Variants in RAB31 observed in about 807,000 individuals in gnomAD.
RAB31 encodes RAB31, member RAS oncogene family, also known as ras-related protein Rab-31.
RAB31 carries 21 observed loss-of-function variants against 25.6 expected under a neutral mutation model. The ratio of observed to expected loss-of-function variants is 0.82; its 90% confidence interval spans 0.58 to 1.18. The LOEUF is 1.18. Ranked by LOEUF, RAB31 falls within the 50% of genes most tolerant of loss-of-function variation. The pLI, the probability that RAB31 is intolerant of heterozygous loss-of-function variation, is 0.00. For missense variants in RAB31, 196 were observed against 250.1 expected, an observed-to-expected ratio of 0.78 and a Z score of 1.46; for synonymous variants, 87 against 84.0, an observed-to-expected ratio of 1.04 and a Z score of -0.20.
At chr18:9,749,205 C>T (rs1490096656) in intron 1 of RAB31, among the ~76,000 whole-genome samples, 1 of 152,204 alleles carries the variant, frequency 6.6e-6, no homozygotes, top group East Asian at 1.9e-4. Flanking sequence ...TGCATCATCA[C>T]GATAATAATC....
At chr18:9,800,786 C>CT (rs1555688890) in intron 3 of RAB31, among the ~76,000 whole-genome samples, 119 of 151,530 alleles carry the variant, frequency 7.9e-4, no homozygotes, top group Non-Finnish European at 1.3e-3. Flanking sequence ...ACCAGCCCCC[C>CT]TTTTTTTTTA....
intron 3 of RAB31, among the ~76,000 whole-genome samples, chr18:9,806,747 A>G (rs67812325): frequency 0.44 from 67,617 of 151,984 alleles, 15,411 homozygotes; most frequent in East Asian, 0.73. Flanking sequence ...ATTTGCTTCA[A>G]AAGACTCCAG....
chr18:9,826,689 T>C (rs1394661928), intron 5 of RAB31, among the ~76,000 whole-genome samples: 2 of 152,236 alleles, frequency 1.3e-5, no homozygotes, highest in East Asian at 3.8e-4. Context: ...ACTGAAGTAA[T>C]GTATGATCCC....
intron 1 of RAB31, among the ~76,000 whole-genome samples, chr18:9,712,036 G>A (rs62078923): frequency 0.015 from 2,255 of 152,302 alleles, 24 homozygotes; most frequent in Non-Finnish European, 0.022. Context: ...ACCTCCTGAC[G>A]TTAGAGTCAT....
chr18:9,749,779 A>G (rs1460332659), intron 1 of RAB31, among the ~76,000 whole-genome samples: 2 of 152,214 alleles, frequency 1.3e-5, no homozygotes, highest in Non-Finnish European at 2.9e-5. Context: ...TGGACTGCAC[A>G]CAACAGTAAG....
intron 1 of RAB31, among the ~76,000 whole-genome samples, chr18:9,771,315 T>C (rs939489139): frequency 1.3e-5 from 2 of 152,200 alleles, no homozygotes; most frequent in South Asian, 4.1e-4. Context: ...TCACACTGTT[T>C]CCTCTTTACC....
chr18:9,751,339 T>C (rs2068234149), intron 1 of RAB31, among the ~76,000 whole-genome samples: 1 of 152,222 alleles, frequency 6.6e-6, no homozygotes, highest in Admixed American at 6.5e-5. Context: ...CAGTCAGTTA[T>C]AAAGCTAGAA....
chr18:9,738,244 AC>A (rs1417408705), intron 1 of RAB31, among the ~76,000 whole-genome samples: 2 of 151,978 alleles, frequency 1.3e-5, no homozygotes, highest in African/African-American at 4.8e-5. Context: ...GTTTCCTAAA[AC>A]CCTTAGAATC....
At chr18:9,777,762 T>A (rs1391950509) in intron 2 of RAB31, among the ~76,000 whole-genome samples, 6 of 149,794 alleles carry the variant, frequency 4.0e-5, no homozygotes, top group Non-Finnish European at 8.9e-5. Context: ...ACCTTTTTTT[T>A]TTTTTTTTTT....
chr18:9,801,947 C>T (rs1247910549), intron 3 of RAB31, among the ~76,000 whole-genome samples: 2 of 152,180 alleles, frequency 1.3e-5, no homozygotes, highest in Admixed American at 6.5e-5. Context: ...ATTCTTTGCC[C>T]GATTGTCTTG....
chr18:9,831,994 G>C (rs554551503), intron 5 of RAB31, among the ~76,000 whole-genome samples: 54 of 152,342 alleles, frequency 3.5e-4, no homozygotes, highest in Admixed American at 1.2e-3. Flanking sequence ...TGCCTACTCA[G>C]CTGTTACTGG....
At chr18:9,858,087 A>G (rs1258597605) in intron 6 of RAB31, among the ~76,000 whole-genome samples, 1 of 152,174 alleles carries the variant, frequency 6.6e-6, no homozygotes, top group Non-Finnish European at 1.5e-5. Context: ...TTCAAGGGGC[A>G]TAGAAAAGTA....
intron 1 of RAB31, among the ~76,000 whole-genome samples, chr18:9,731,768 G>C (rs939957792): frequency 6.6e-6 from 1 of 151,756 alleles, no homozygotes; most frequent in South Asian, 2.1e-4. Flanking sequence ...GCTGATTTTT[G>C]TATTTTTAGT....
chr18:9,775,452 A>G (rs1211563814), intron 2 of RAB31, 95 bp downstream of exon 2: 2 of 1,558,550 alleles, frequency 1.3e-6, no homozygotes, highest in South Asian at 2.3e-5. Context: ...GCAGGGCCAC[A>G]GTTTTCATCC....
chr18:9,713,290 T>C (rs7226695), intron 1 of RAB31, among the ~76,000 whole-genome samples: 8,266 of 152,168 alleles, frequency 0.054, 792 homozygotes, highest in African/African-American at 0.19. Context: ...CTCCCGAGAC[T>C]GGCATTTCTT....
chr18:9,789,147 C>T (rs547505992), intron 2 of RAB31, among the ~76,000 whole-genome samples: 3 of 152,090 alleles, frequency 2.0e-5, no homozygotes, highest in Admixed American at 2.0e-4. Flanking sequence ...ATAAATACTA[C>T]ATGTTCTCAC....
At chr18:9,779,275 A>G (rs2068389948) in intron 2 of RAB31, among the ~76,000 whole-genome samples, 1 of 152,242 alleles carries the variant, frequency 6.6e-6, no homozygotes, top group South Asian at 2.1e-4. Flanking sequence ...ACTATGTAGA[A>G]ATATATAAAA....
At chr18:9,779,032 T>C (rs1405838203) in intron 2 of RAB31, among the ~76,000 whole-genome samples, 1 of 152,090 alleles carries the variant, frequency 6.6e-6, no homozygotes, top group African/African-American at 2.4e-5. Context: ...TTGAGTAGGC[T>C]GAGGAGGAGC....
intron 2 of RAB31, among the ~76,000 whole-genome samples, chr18:9,788,354 C>CT (rs2068443923): frequency 2.0e-5 from 3 of 152,312 alleles, no homozygotes; most frequent in Non-Finnish European, 4.4e-5. Flanking sequence ...TATCATCTCT[C>CT]TCCAGTTAGA....
Sources: allele counts gnomAD v4.1 joint callset (sites outside exome capture counted in the v4.1 genomes callset), GRCh38; gene constraint gnomAD v4.1.1; transcripts MANE v1.5; gene names NCBI Gene and HGNC (gene_info 2026-07-23, HGNC 2026-07-21).